RASGRF2: variants seen among roughly 807,000 people sequenced by gnomAD.
RASGRF2 encodes Ras protein specific guanine nucleotide releasing factor 2, also known as ras-specific guanine nucleotide-releasing factor 2.
RASGRF2 carries 76 observed loss-of-function variants against 151.0 expected under a neutral mutation model. The observed-to-expected ratio is 0.50, with a 90% CI of 0.42 to 0.61. The LOEUF is 0.61. RASGRF2 is among the 20% of genes least tolerant of loss of function. The pLI is 0.00. For synonymous variants in RASGRF2, 504 were observed against 566.5 expected (o/e 0.89, Z 1.57); for missense variants, 1,148 against 1,564.6 (o/e 0.73, Z 4.49).
At chr5:80,975,048 G>C (rs1748068880) in intron 1 of RASGRF2, among the ~76,000 whole-genome samples, 1 of 152,014 alleles carries the variant, frequency 6.6e-6, no homozygotes, top group African/African-American at 2.4e-5. Context: ...CTGGAATTTT[G>C]GGATATTTAC....
intron 1 of RASGRF2, among the ~76,000 whole-genome samples, chr5:80,974,584 G>A (rs971170173): frequency 6.6e-6 from 1 of 152,178 alleles, no homozygotes; most frequent in Admixed American, 6.5e-5. Context: ...TTTTAATAAT[G>A]TAAAGCTAAG....
At chr5:81,168,309 C>CTCTTTT (rs368713812) in intron 17 of RASGRF2, among the ~76,000 whole-genome samples, 1 of 115,994 alleles carries the variant, frequency 8.6e-6, no homozygotes, top group African/African-American at 3.4e-5. Context: ...TTTTTCTTCT[C>CTCTTTT]TTTTTTTTTT....
intron 12 of RASGRF2, among the ~76,000 whole-genome samples, chr5:81,106,514 C>A (rs1752851788): frequency 6.6e-6 from 1 of 152,186 alleles, no homozygotes; most frequent in Non-Finnish European, 1.5e-5. Flanking sequence ...TTCAAGACTC[C>A]TTTCTCTATA....
chr5:81,065,203 A>G (rs988896858), intron 2 of RASGRF2, among the ~76,000 whole-genome samples: 2 of 152,236 alleles, frequency 1.3e-5, no homozygotes, highest in African/African-American at 4.8e-5. Flanking sequence ...CACAGAAACT[A>G]TGAGATAATA....
At chr5:81,087,919 T>C (rs930883769) in intron 9 of RASGRF2, 7 of 152,638 alleles carry the variant, frequency 4.6e-5, no homozygotes, top group African/African-American at 1.7e-4. Flanking sequence ...CAAGACAATG[T>C]TTTGTGCACA....
intron 19 of RASGRF2, 79 bp downstream of exon 19, chr5:81,201,521 CT>C: frequency 1.4e-6 from 2 of 1,451,270 alleles, no homozygotes; most frequent in Non-Finnish European, 1.9e-6. Flanking sequence ...GCCAATAAAT[CT>C]TAGAATCCTG....
At chr5:81,217,573 T>A (rs28390259) in intron 25 of RASGRF2, 100 bp downstream of exon 25, 3 of 483,068 alleles carry the variant, frequency 6.2e-6, no homozygotes, top group South Asian at 4.5e-5. Flanking sequence ...TTTTTTCTCT[T>A]CTTTTTTTTT....
At chr5:81,034,700 C>CA (rs1305780145) in intron 1 of RASGRF2, among the ~76,000 whole-genome samples, 5 of 146,696 alleles carry the variant, frequency 3.4e-5, no homozygotes, top group Admixed American at 7.1e-5. Flanking sequence ...ATCGCAAGAA[C>CA]AAAAAACCAA....
intron 1 of RASGRF2, among the ~76,000 whole-genome samples, chr5:81,014,629 G>T (rs1282001828): frequency 2.0e-5 from 3 of 152,104 alleles, no homozygotes; most frequent in Non-Finnish European, 2.9e-5. Flanking sequence ...TCCCTGTGGT[G>T]GGCAGCAACT....
intron 1 of RASGRF2, among the ~76,000 whole-genome samples, chr5:81,007,969 C>T (rs1749325882): frequency 6.6e-6 from 1 of 152,104 alleles, no homozygotes; most frequent in Non-Finnish European, 1.5e-5. Context: ...CCCTCAGCTT[C>T]CCAGGACCAT....
chr5:81,111,481 CTTTTT>C (rs913404635), intron 13 of RASGRF2, among the ~76,000 whole-genome samples: 1 of 151,926 alleles, frequency 6.6e-6, no homozygotes, highest in Non-Finnish European at 1.5e-5. Context: ...ACACCCATTA[CTTTTT>C]TTTAAGTGAA....
At chr5:81,013,036 A>ATAT (rs1561553976) in intron 1 of RASGRF2, among the ~76,000 whole-genome samples, 3 of 152,198 alleles carry the variant, frequency 2.0e-5, no homozygotes, top group Non-Finnish European at 4.4e-5. Flanking sequence ...ATATAGGAGC[A>ATAT]GGCCCCAAAT....
At chr5:81,008,846 A>G (rs1334571995) in intron 1 of RASGRF2, among the ~76,000 whole-genome samples, 1 of 152,112 alleles carries the variant, frequency 6.6e-6, no homozygotes, top group African/African-American at 2.4e-5. Flanking sequence ...TTTTTTGGAA[A>G]TTTATTTTCT....
intron 1 of RASGRF2, among the ~76,000 whole-genome samples, chr5:80,983,922 C>A (rs750035814): frequency 6.6e-6 from 1 of 152,206 alleles, no homozygotes; most frequent in Non-Finnish European, 1.5e-5. Context: ...TTCAAAATTA[C>A]GTGCATGGCT....
chr5:81,008,760 G>A (rs1464360345), intron 1 of RASGRF2, among the ~76,000 whole-genome samples: 1 of 152,100 alleles, frequency 6.6e-6, no homozygotes, highest in Non-Finnish European at 1.5e-5. Flanking sequence ...TTAGAAATGA[G>A]AACAGAAATG....
intron 17 of RASGRF2, among the ~76,000 whole-genome samples, chr5:81,135,282 C>T (rs1032749462): frequency 9.9e-5 from 15 of 151,948 alleles, no homozygotes; most frequent in African/African-American, 3.4e-4. Context: ...CCAGCCTGGG[C>T]GACAGAGCAA....
At chr5:81,009,751 T>C (rs1749394931) in intron 1 of RASGRF2, among the ~76,000 whole-genome samples, 1 of 152,256 alleles carries the variant, frequency 6.6e-6, no homozygotes, top group Non-Finnish European at 1.5e-5. Context: ...AAACGTTTAC[T>C]ACAGTTTTAA....
At chr5:81,047,224 G>A (rs1750863092) in intron 2 of RASGRF2, among the ~76,000 whole-genome samples, 2 of 152,230 alleles carry the variant, frequency 1.3e-5, no homozygotes. Context: ...GGAAAGGAAG[G>A]AAACTGTGAG....
intron 15 of RASGRF2, 60 bp downstream of exon 15, chr5:81,113,980 C>T: frequency 6.5e-7 from 1 of 1,531,288 alleles, no homozygotes; most frequent in African/African-American, 1.4e-5. Flanking sequence ...TGCCTCCTCA[C>T]CCTTCCTTTT....
Sources: gnomAD v4.1 joint callset for allele counts (sites outside exome capture counted in the v4.1 genomes callset) on GRCh38, gnomAD v4.1.1 for gene constraint, MANE v1.5 for transcripts, NCBI Gene and HGNC (gene_info 2026-07-23, HGNC 2026-07-21) for gene names.